The following RBFOX1 variants were observed in gnomAD, a reference collection of about 807,000 sequenced individuals.
RBFOX1 encodes RNA binding protein fox-1 homolog 1.
RBFOX1 carries 8 observed loss-of-function variants against 57.7 expected under a neutral mutation model. The observed-to-expected ratio is 0.14, with a 90% CI of 0.08 to 0.25. RBFOX1 has a LOEUF of 0.25. RBFOX1 is among the 10% of genes least tolerant of loss of function. The pLI is 1.00. For synonymous variants in RBFOX1, 326 were observed against 222.4 expected, an observed-to-expected ratio of 1.47 and a Z score of -4.15; for missense variants, 611 against 548.5, an observed-to-expected ratio of 1.11 and a Z score of -1.14.
chr16:7,470,558 A>G lies in RBFOX1; in HGVS notation c.28-47589A>G, dbSNP rs1036453872. ...ATGAGTGGGTGGATGGGTGAGTGGT[A>G]GGCAGATGAGGTGATGGATGGATGG... On this transcript the variant is annotated intron_variant, in intron 4 of 15. Transcript: ENST00000550418. 3.2e-4 allele frequency among the ~76,000 whole-genome samples: 49 copies of G among 151,444 alleles called. No individual in the cohort carries two copies. The Middle Eastern group carries it at 0.014, about 42-fold the overall frequency.
intron 4 of RBFOX1, among the ~76,000 whole-genome samples, chr16:7,083,662 A>G (rs1382989009): frequency 6.6e-6 from 1 of 152,154 alleles, no homozygotes; most frequent in Non-Finnish European, 1.5e-5. Context: ...TTTTAAATCC[A>G]GATTCTTATC....
At chr16:7,326,093 C>T (rs546609167) in intron 4 of RBFOX1, among the ~76,000 whole-genome samples, 2 of 152,296 alleles carry the variant, frequency 1.3e-5, no homozygotes, top group South Asian at 4.1e-4. Flanking sequence ...CACTTGGACT[C>T]CCTGCGCCTC....
intron 14 of RBFOX1, among the ~76,000 whole-genome samples, chr16:7,695,229 A>G (rs1278571234): frequency 2.0e-5 from 3 of 152,160 alleles, no homozygotes; most frequent in Non-Finnish European, 4.4e-5. Flanking sequence ...CTGAATTTTG[A>G]ATGAAGCATG....
intron 4 of RBFOX1, among the ~76,000 whole-genome samples, chr16:7,342,934 G>C (rs182368246): frequency 1.3e-5 from 2 of 152,278 alleles, no homozygotes; most frequent in Non-Finnish European, 2.9e-5. Flanking sequence ...ACGTGAAGGA[G>C]AGTTGATCAG....
intron 4 of RBFOX1, among the ~76,000 whole-genome samples, chr16:7,160,767 T>G (rs1226597506): frequency 6.6e-6 from 1 of 151,610 alleles, no homozygotes; most frequent in African/African-American, 2.4e-5. Context: ...CTCCTCCTCC[T>G]CCGCCTCCCC....
intron 4 of RBFOX1, among the ~76,000 whole-genome samples, chr16:7,357,842 G>T (rs1485458193): frequency 1.3e-5 from 2 of 151,982 alleles, no homozygotes; most frequent in Non-Finnish European, 2.9e-5. Context: ...CTCCTCTAAG[G>T]CTTCTTTTCC....
intron 3 of RBFOX1, among the ~76,000 whole-genome samples, chr16:5,767,985 G>A (rs1021079355): frequency 6.6e-6 from 1 of 152,052 alleles, no homozygotes; most frequent in Non-Finnish European, 1.5e-5. Flanking sequence ...AAAATGTTAA[G>A]AAACAGTCGG....
intron 3 of RBFOX1, among the ~76,000 whole-genome samples, chr16:7,011,949 T>C (rs1487497025): frequency 6.6e-6 from 1 of 152,236 alleles, no homozygotes; most frequent in African/African-American, 2.4e-5. Context: ...AAATACGCCC[T>C]TCATTAATCC....
chr16:5,487,695 G>T lies in RBFOX1; in HGVS notation c.258+20441G>T, dbSNP rs539676409. Among the ~76,000 whole-genome samples the T allele has an allele frequency of 1.2e-4, 19 of 152,302 alleles. No individual in the cohort carries two copies. The East Asian group carries it at 3.7e-3, about 29-fold the overall frequency. ...ACTAATGGTTATGTCTTCCAAGATG[G>T]TGGAGCTCATGTCTATCTTCCAGGC... On this transcript the variant is annotated intron_variant, in intron 2 of 2. Transcript: ENST00000585867.
At chr16:6,843,024 G>A (rs980428747) in intron 3 of RBFOX1, among the ~76,000 whole-genome samples, 1 of 152,146 alleles carries the variant, frequency 6.6e-6, no homozygotes, top group African/African-American at 2.4e-5. Flanking sequence ...TGGCTGCCTA[G>A]TATTCCATGG....
At chr16:6,220,972 A>ATG (rs58769581) in intron 1 of RBFOX1, among the ~76,000 whole-genome samples, 1,720 of 149,806 alleles carry the variant, frequency 0.011, 22 homozygotes, top group African/African-American at 0.027. Context: ...GTGTGTGTGT[A>ATG]TGTGTGTGTG....
chr16:6,965,630 C>T (rs2083972870), intron 3 of RBFOX1, among the ~76,000 whole-genome samples: 1 of 152,190 alleles, frequency 6.6e-6, no homozygotes, highest in Admixed American at 6.5e-5. Flanking sequence ...AGCCACTGCG[C>T]CTGGCTGACA....
intron 2 of RBFOX1, among the ~76,000 whole-genome samples, chr16:6,577,733 T>TGACA (rs2097462374): frequency 6.6e-6 from 1 of 152,160 alleles, no homozygotes; most frequent in African/African-American, 2.4e-5. Flanking sequence ...GACAAGGAAG[T>TGACA]GACACACCCT....
At chr16:6,962,964 G>C (rs1047731224) in intron 3 of RBFOX1, among the ~76,000 whole-genome samples, 5 of 152,164 alleles carry the variant, frequency 3.3e-5, no homozygotes, top group African/African-American at 1.2e-4. Context: ...TCGCTCAGCA[G>C]TTTGCATGGC....
intron 4 of RBFOX1, among the ~76,000 whole-genome samples, chr16:7,173,136 A>T (rs1208186078): frequency 6.6e-6 from 1 of 152,216 alleles, no homozygotes; most frequent in Non-Finnish European, 1.5e-5. Context: ...TTCATATTTC[A>T]TAAAATCTTA....
intron 1 of RBFOX1, among the ~76,000 whole-genome samples, chr16:6,256,523 A>G (rs2097668388): frequency 6.6e-6 from 1 of 151,502 alleles, no homozygotes; most frequent in South Asian, 2.1e-4. Flanking sequence ...AAGTTAGTCT[A>G]AGTCTTTGAA....
intron 1 of RBFOX1, among the ~76,000 whole-genome samples, chr16:5,292,097 C>T (rs1251450678): frequency 6.6e-6 from 1 of 151,784 alleles, no homozygotes; most frequent in African/African-American, 2.4e-5. Context: ...CGTTCATTTG[C>T]TTTAATGAGA....
intron 4 of RBFOX1, among the ~76,000 whole-genome samples, chr16:5,980,925 A>C (rs2060159552): frequency 6.6e-6 from 1 of 152,144 alleles, no homozygotes; most frequent in Non-Finnish European, 1.5e-5. Flanking sequence ...TCTATGTGCC[A>C]CAAGTAGGGT....
intron 1 of RBFOX1, among the ~76,000 whole-genome samples, chr16:6,069,958 G>A (rs11864038): frequency 2.0e-5 from 3 of 152,192 alleles, no homozygotes; most frequent in Non-Finnish European, 4.4e-5. Context: ...CTGCACTCCA[G>A]CCTGGGTGAC....
Sources: allele counts gnomAD v4.1 joint callset (sites outside exome capture counted in the v4.1 genomes callset), GRCh38; gene constraint gnomAD v4.1.1; transcripts MANE v1.5; gene names NCBI Gene and HGNC (gene_info 2026-07-23, HGNC 2026-07-21).